CHEK2: variants seen among roughly 807,000 people sequenced by gnomAD.
CHEK2 encodes serine/threonine-protein kinase Chk2.
Under a neutral mutation model 69.1 loss-of-function variants are expected in CHEK2, and 71 were observed. The observed-to-expected ratio is 1.03, with a 90% CI of 0.85 to 1.25. The LOEUF (loss-of-function observed/expected upper bound fraction) is 1.25, where lower values mean the gene tolerates loss of function less well. Ranked by LOEUF, CHEK2 falls within the 50% of genes most tolerant of loss-of-function variation. CHEK2 has a pLI of 0.00. For synonymous variants in CHEK2, 189 were observed against 226.9 expected (o/e 0.83, Z 1.50); for missense variants, 664 against 649.6 (o/e 1.02, Z -0.24).
chr22:28,708,377 G>GTC (rs1466275036), intron 7 of CHEK2, among the ~76,000 whole-genome samples: 4 of 150,670 alleles, frequency 2.7e-5, no homozygotes, highest in African/African-American at 4.9e-5. Flanking sequence ...GTGTGTGTGT[G>GTC]TGTGTGTGTG....
intron 7 of CHEK2, among the ~76,000 whole-genome samples, chr22:28,708,030 G>A (rs549746239): frequency 2.0e-5 from 3 of 151,802 alleles, no homozygotes; most frequent in Non-Finnish European, 4.4e-5. Context: ...TAGTAGAGAC[G>A]GGATTTCACC....
intron 1 of CHEK2, 81 bp downstream of exon 1, chr22:28,741,688 C>T (rs2054560333): frequency 4.3e-6 from 1 of 231,748 alleles, no homozygotes; most frequent in South Asian, 5.7e-5. Flanking sequence ...AAGCGAAGCT[C>T]AGGAGACTCC....
At chr22:28,699,693 T>G in intron 9 of CHEK2, 145 bp downstream of exon 9, 1 of 706,430 alleles carries the variant, frequency 1.4e-6, no homozygotes, top group Non-Finnish European at 2.5e-6. Context: ...GTGAAAGGAG[T>G]AGGACATTTT....
In CHEK2 at chr22:28,724,986, T is replaced by C. The variant is rs1555926729; in HGVS notation, c.583A>G (p.Arg195Gly). The change falls in exon 4 of 15, where the codon AGA (arginine) becomes GGA (glycine). Residue 195 changes from arginine (R) to glycine (G), a missense_variant. By Grantham distance (125) the Arg-to-Gly change is moderately radical (BLOSUM62 -2). Coordinates refer to ENST00000404276, the MANE Select transcript of CHEK2 (RefSeq NM_007194.4). ...AAGATAATAATATTACCTTTATTTCTGCTTAGTGACAGTGCAATTTCAGAA... is the reference window on the plus strand; with the variant it reads ...AAGATAATAATATTACCTTTATTTCCGCTTAGTGACAGTGCAATTTCAGAA... Reference protein sequence around the residue: ...NNSEIALSLSRNKVFVFFDLT... With the variant: ...NNSEIALSLSGNKVFVFFDLT... 6.2e-7 allele frequency: 1 copy of C among 1,614,136 alleles called. No homozygotes were observed. Among genetic ancestry groups the C allele is most frequent in the South Asian group, 1.1e-5 (1 of 91,084 alleles).
intron 1 of CHEK2, among the ~76,000 whole-genome samples, chr22:28,738,577 A>C (rs980079438): frequency 6.6e-6 from 1 of 152,180 alleles, no homozygotes; most frequent in Non-Finnish European, 1.5e-5. Flanking sequence ...TCTGGGAGCT[A>C]TTGCTATTGG....
intron 1 of CHEK2, among the ~76,000 whole-genome samples, chr22:28,740,714 A>C (rs1176688087): frequency 5.9e-5 from 9 of 152,154 alleles, no homozygotes; most frequent in Non-Finnish European, 4.4e-5. Flanking sequence ...TTTACAATTA[A>C]AATAAAACAT....
intron 5 of CHEK2, chr22:28,712,266 C>G (rs1027191340): frequency 2.0e-6 from 1 of 499,886 alleles, no homozygotes; most frequent in South Asian, 2.7e-5. Flanking sequence ...CTTACTGTAG[C>G]CCTGGATTGT....
chr22:28,694,881 C>G (rs1282649210), intron 12 of CHEK2, among the ~76,000 whole-genome samples: 1 of 152,164 alleles, frequency 6.6e-6, no homozygotes, highest in African/African-American at 2.4e-5. Context: ...TCCCTTTACA[C>G]AGAAAGAAAT....
At chr22:28,713,224 T>C (rs2053467118) in intron 5 of CHEK2, among the ~76,000 whole-genome samples, 1 of 152,226 alleles carries the variant, frequency 6.6e-6, no homozygotes, top group African/African-American at 2.4e-5. Context: ...GACGGACATT[T>C]ATTTGGTTTG....
chr22:28,703,473 A>G lies in CHEK2; in HGVS notation c.908+32T>C, dbSNP rs754266496. On this transcript the variant is annotated intron_variant, in intron 8 of 14. Coordinates refer to ENST00000404276, the MANE Select transcript of CHEK2 (RefSeq NM_007194.4). ...GTGGCTTTATAAAGCATTTGAATGG[A>G]AACAGAAATTTTTAAAAAGTTTACT... is the stretch of plus-strand genomic sequence containing the variant. 9.6e-6 allele frequency: 11 copies of G among 1,148,484 alleles called. No homozygotes were observed. The East Asian group carries it at 2.7e-4, about 28-fold the overall frequency. 71.1% of individuals were successfully genotyped at this position (1,148,484 alleles called of 1,614,324 possible).
At chr22:28,707,552 G>A (rs909696812) in intron 7 of CHEK2, among the ~76,000 whole-genome samples, 2 of 152,166 alleles carry the variant, frequency 1.3e-5, no homozygotes, top group African/African-American at 4.8e-5. Context: ...GGCATGACAA[G>A]TGTTCGAAAA....
intron 2 of CHEK2, among the ~76,000 whole-genome samples, chr22:28,728,318 C>T (rs2054078901): frequency 1.3e-5 from 2 of 152,106 alleles, no homozygotes; most frequent in African/African-American, 4.8e-5. Flanking sequence ...AATTGTGTGA[C>T]AGTATTAGAT....
At chr22:28,702,817 G>C (rs1395836926) in intron 8 of CHEK2, among the ~76,000 whole-genome samples, 2 of 152,146 alleles carry the variant, frequency 1.3e-5, no homozygotes, top group Non-Finnish European at 2.9e-5. Flanking sequence ...AAAGTGCTGG[G>C]ATTACAGGCG....
chr22:28,739,841 GA>G (rs1247984596), intron 1 of CHEK2, among the ~76,000 whole-genome samples: 1 of 152,190 alleles, frequency 6.6e-6, no homozygotes, highest in African/African-American at 2.4e-5. Flanking sequence ...TTTTATCTTA[GA>G]AAAAGGCTCT....
At chr22:28,691,337 G>A (rs1216561963) in intron 13 of CHEK2, among the ~76,000 whole-genome samples, 1 of 152,146 alleles carries the variant, frequency 6.6e-6, no homozygotes, top group African/African-American at 2.4e-5. Flanking sequence ...AAAATGAGCT[G>A]GGATGGTGGC....
chr22:28,707,459 T>C (rs527631801), intron 7 of CHEK2, among the ~76,000 whole-genome samples: 2 of 152,320 alleles, frequency 1.3e-5, no homozygotes, highest in East Asian at 3.9e-4. Flanking sequence ...CAGTTCTGCC[T>C]CCACACTAAA....
chr22:28,732,232 C>T (rs2054240691), intron 2 of CHEK2, among the ~76,000 whole-genome samples: 1 of 152,150 alleles, frequency 6.6e-6, no homozygotes, highest in Admixed American at 6.6e-5. Flanking sequence ...CTGCCTCAGC[C>T]TCCTGAGTAG....
At chr22:28,723,592 C>T (rs1342851052) in intron 4 of CHEK2, among the ~76,000 whole-genome samples, 1 of 120,948 alleles carries the variant, frequency 8.3e-6, no homozygotes, top group Admixed American at 1.0e-4. Flanking sequence ...AGCAAGGCTC[C>T]GTCACAAGGA....
intron 8 of CHEK2, among the ~76,000 whole-genome samples, chr22:28,701,506 C>T (rs1164145300): frequency 6.6e-6 from 1 of 152,168 alleles, no homozygotes; most frequent in African/African-American, 2.4e-5. Context: ...GCCACCACAC[C>T]CAGCCTGTTG....
Sources: allele counts gnomAD v4.1 joint callset (sites outside exome capture counted in the v4.1 genomes callset), GRCh38; gene constraint gnomAD v4.1.1; transcripts MANE v1.5; gene names NCBI Gene and HGNC (gene_info 2026-07-23, HGNC 2026-07-21).